Variants in LMTK2 observed in about 807,000 individuals in gnomAD.
LMTK2 encodes the protein serine/threonine-protein kinase LMTK2.
In LMTK2, 37 loss-of-function variants were observed where a neutral mutation model predicts 127.5. The observed-to-expected ratio is 0.29, with a 90% confidence interval of 0.22 to 0.38. LMTK2 has a LOEUF of 0.38. LMTK2 is among the 10% of genes least tolerant of loss of function. The pLI is 1.00. For synonymous variants in LMTK2, 819 were observed against 810.1 expected (o/e 1.01, Z -0.19); for missense variants, 1,694 against 1,920.3 (o/e 0.88, Z 2.20).
chr7:98,128,492 C>T (rs751380157), intron 1 of LMTK2, among the ~76,000 whole-genome samples: 2 of 152,246 alleles, frequency 1.3e-5, no homozygotes, highest in Non-Finnish European at 2.9e-5. Context: ...AAGTCAAGTT[C>T]TGCTGTTGAA....
At chr7:98,162,596 G>A (rs550987282) in intron 6 of LMTK2, among the ~76,000 whole-genome samples, 13 of 152,264 alleles carry the variant, frequency 8.5e-5, no homozygotes, top group South Asian at 2.1e-4. Flanking sequence ...TGAACATCCC[G>A]AGGAGCTCTG....
intron 1 of LMTK2, among the ~76,000 whole-genome samples, chr7:98,134,971 C>T (rs769058563): frequency 2.6e-5 from 4 of 152,168 alleles, no homozygotes; most frequent in Admixed American, 1.3e-4. Context: ...ATTTAGAACT[C>T]GGAGATTCTC....
intron 2 of LMTK2, 53 bp from the exon 3 acceptor site, chr7:98,141,344 C>T: frequency 6.6e-7 from 1 of 1,523,474 alleles, no homozygotes; most frequent in Non-Finnish European, 9.1e-7. Context: ...CAAATATGTT[C>T]CTATTTTAAA....
At chr7:98,163,060 G>T (rs939462712) in intron 6 of LMTK2, among the ~76,000 whole-genome samples, 1 of 152,310 alleles carries the variant, frequency 6.6e-6, no homozygotes, top group Non-Finnish European at 1.5e-5. Context: ...TCTACTTACA[G>T]GAGGGACCTA....
At chr7:98,151,349 T>TA (rs1796850952) in intron 3 of LMTK2, 33 bp from the exon 4 acceptor site, 2 of 1,433,910 alleles carry the variant, frequency 1.4e-6, no homozygotes, top group South Asian at 2.4e-5. Context: ...TTTAGATACT[T>TA]ATATTTCATT....
At chr7:98,117,120 C>T (rs1584243040) in intron 1 of LMTK2, among the ~76,000 whole-genome samples, 1 of 152,104 alleles carries the variant, frequency 6.6e-6, no homozygotes, top group Non-Finnish European at 1.5e-5. Flanking sequence ...CTCCCCTCCC[C>T]ATGGTGTACG....
chr7:98,177,890 G>A (rs1026375210), intron 7 of LMTK2, among the ~76,000 whole-genome samples: 2 of 152,224 alleles, frequency 1.3e-5, no homozygotes, highest in African/African-American at 4.8e-5. Context: ...GAATCCTCTT[G>A]TTTTAATCCT....
At chr7:98,116,425 CGT>C (rs61569698) in intron 1 of LMTK2, among the ~76,000 whole-genome samples, 8,560 of 146,664 alleles carry the variant, frequency 0.058, 604 homozygotes, top group East Asian at 0.34. Flanking sequence ...TGTGTTTGTG[CGT>C]GTGTGTGTGT....
chr7:98,155,453 A>T (rs1391137318), intron 5 of LMTK2, among the ~76,000 whole-genome samples: 2 of 152,234 alleles, frequency 1.3e-5, no homozygotes, highest in African/African-American at 4.8e-5. Context: ...GAAATTGAGA[A>T]AATGCTAAAC....
intron 3 of LMTK2, among the ~76,000 whole-genome samples, chr7:98,144,140 A>G (rs796740047): frequency 7.9e-5 from 12 of 152,266 alleles, no homozygotes; most frequent in African/African-American, 2.9e-4. Context: ...CAAAAAATAT[A>G]TATGTTTAGG....
chr7:98,160,608 C>A (rs1269710610), intron 6 of LMTK2, among the ~76,000 whole-genome samples: 1 of 152,096 alleles, frequency 6.6e-6, no homozygotes, highest in African/African-American at 2.4e-5. Context: ...AAGCATTCTT[C>A]ATGGCCTCTG....
intron 2 of LMTK2, among the ~76,000 whole-genome samples, chr7:98,138,237 G>T (rs184266769): frequency 2.6e-5 from 4 of 152,162 alleles, no homozygotes; most frequent in Non-Finnish European, 5.9e-5. Flanking sequence ...TGTTGACCGC[G>T]CAGGGCTGGC....
In LMTK2 at chr7:98,193,586, G is replaced by A. The variant is rs775823152; in HGVS notation, c.3121G>A (p.Glu1041Lys). Residue 1041 changes from glutamate to lysine, a missense_variant, in exon 11 of 14, where the codon GAG (glutamate) becomes AAG (lysine). Transcript: ENST00000297293. This position sits in a 1 kb window ranked among gnomAD's most constrained non-coding sequence, Gnocchi z 4.1. ...GYETENLESPEWTLHPAPEGT... is the reference protein window; with the variant it reads ...GYETENLESPKWTLHPAPEGT... Reference sequence around the variant, plus strand: ...CGAAACAGAGAACTTGGAGTCTCCCGAGTGGACCTTGCATCCCGCTCCCGA... The same window carrying A: ...CGAAACAGAGAACTTGGAGTCTCCCAAGTGGACCTTGCATCCCGCTCCCGA... 6.2e-6 allele frequency: 10 copies of A among 1,613,928 alleles called. No individual in the cohort carries two copies. The highest frequency in any genetic ancestry group is 1.7e-5 in the Admixed American group (1 of 60,000).
intron 1 of LMTK2, among the ~76,000 whole-genome samples, chr7:98,120,508 A>G (rs1796345622): frequency 6.6e-6 from 1 of 152,230 alleles, no homozygotes; most frequent in South Asian, 2.1e-4. Context: ...TTGTAGTTGC[A>G]GCTTTTTACT....
chr7:98,106,901 T>G lies in LMTK2; in HGVS notation c.-277T>G. The G allele has an allele frequency of 2.3e-6, 1 of 438,234 alleles. No homozygotes were observed. The allele number at this position is 438,234 out of a possible 1,614,324, so 27.1% of individuals were successfully genotyped here. ...CCCATCATGGCGGCGGGAGCGCGGC[T>G]TCCCAGGCCCGCCGCTCCGCAGGGC... On this transcript the variant is annotated 5_prime_UTR_variant, in exon 1 of 14. Coordinates refer to ENST00000297293, the MANE Select transcript of LMTK2 (RefSeq NM_014916.4).
Position 98,203,987 on chromosome 7 carries a change from T to C in LMTK2, c.4284T>C (p.Phe1428=), listed in dbSNP as rs1010329733. ...EWDDDFSPDP[F]MSKTTSNLLS... ...ATGATGACTTCTCCCCAGATCCTTT[T>C]ATGTCAAAGACAACAAGTAACCTGC... The change falls in exon 13 of 14, where the codon TTT becomes TTC. Residue 1428 remains phenylalanine (F), a synonymous_variant. Coordinates refer to ENST00000297293, the MANE Select transcript of LMTK2 (RefSeq NM_014916.4). 1.9e-6 allele frequency: 3 copies of C among 1,614,054 alleles called. No homozygotes were observed. Among genetic ancestry groups the C allele is most frequent in the Non-Finnish European group, 2.5e-6 (3 of 1,180,034 alleles).
chr7:98,145,544 C>T (rs933961054), intron 3 of LMTK2, among the ~76,000 whole-genome samples: 13 of 152,250 alleles, frequency 8.5e-5, no homozygotes, highest in Admixed American at 8.5e-4. Flanking sequence ...AGGAGGAAAT[C>T]CAACTTCAGC....
chr7:98,194,481 C>T lies in LMTK2; in HGVS notation c.4016C>T (p.Ala1339Val). 1.2e-6 allele frequency: 2 copies of T among 1,613,904 alleles called. No individual in the cohort carries two copies. Among genetic ancestry groups the T allele is most frequent in the Non-Finnish European group, 1.7e-6 (2 of 1,180,040 alleles). Residue 1339 changes from alanine to valine, a missense_variant, in exon 11 of 14, where the codon GCC becomes GTC. This residue lies in a region of LMTK2 where 554 missense variants were observed against 567.7 expected (regional missense o/e 0.98). Coordinates refer to ENST00000297293, the MANE Select transcript of LMTK2 (RefSeq NM_014916.4). The surrounding 1 kb of genome is among the most constrained non-coding windows in gnomAD (Gnocchi z 5.4). ...CGGAGTCTGTTGAAGCCCACAGCGG[C>T]CAATGCCCCCGACCCACTGCCCGAG... ...HLRSLLKPTA[A>V]NAPDPLPEDW...
intron 6 of LMTK2, among the ~76,000 whole-genome samples, chr7:98,165,156 G>C (rs1797075468): frequency 6.6e-6 from 1 of 152,222 alleles, no homozygotes; most frequent in Non-Finnish European, 1.5e-5. Flanking sequence ...TAGACCCATG[G>C]GCTCTTAGAC....
Sources: gnomAD v4.1 joint callset for allele counts (sites outside exome capture counted in the v4.1 genomes callset) on GRCh38, gnomAD v4.1.1 for gene constraint, gnomAD v4.1.1 regional missense constraint, Gnocchi (gnomAD v3.1) non-coding constraint, MANE v1.5 for transcripts, NCBI Gene and HGNC (gene_info 2026-07-23, HGNC 2026-07-21) for gene names.